The following PDE3B variants were observed in gnomAD, a reference collection of about 807,000 sequenced individuals.
PDE3B encodes phosphodiesterase 3B, also known as cGMP-inhibited 3',5'-cyclic phosphodiesterase 3B.
Under a neutral mutation model 116.8 loss-of-function variants are expected in PDE3B, and 66 were observed. That is an observed-to-expected ratio of 0.56 (90% CI 0.46 to 0.69). The LOEUF is 0.69. PDE3B is among the 30% of genes least tolerant of loss of function. The pLI is 0.00. For synonymous variants in PDE3B, 595 were observed against 533.6 expected (o/e 1.12, Z -1.59); for missense variants, 1,384 against 1,368.1 (o/e 1.01, Z -0.18).
chr11:14,708,642 T>A (rs571322974), intron 1 of PDE3B, among the ~76,000 whole-genome samples: 1 of 152,116 alleles, frequency 6.6e-6, no homozygotes, highest in Non-Finnish European at 1.5e-5. Flanking sequence ...TGATGTTGAT[T>A]TTTCTGGAGT....
chr11:14,682,314 T>C (rs1294294092), intron 1 of PDE3B, among the ~76,000 whole-genome samples: 1 of 152,240 alleles, frequency 6.6e-6, no homozygotes, highest in Non-Finnish European at 1.5e-5. Flanking sequence ...GATTTCTTTC[T>C]TTCTAATCTG....
At chr11:14,650,109 A>G (rs898797257) in intron 1 of PDE3B, among the ~76,000 whole-genome samples, 2 of 151,744 alleles carry the variant, frequency 1.3e-5, no homozygotes, top group African/African-American at 2.4e-5. Context: ...TTTACCTAGC[A>G]GATAACTTTA....
chr11:14,727,680 AT>A lies in PDE3B; in HGVS notation c.979-44254del, dbSNP rs1416161814. Among the ~76,000 whole-genome samples, 5 of 152,134 alleles carry A rather than the reference AT, an allele frequency of 3.3e-5. No individual in the cohort carries two copies. In the East Asian group the frequency reaches 9.6e-4, roughly 29 times the overall value. On this transcript the variant is annotated intron_variant, in intron 1 of 15. Transcript: ENST00000282096. ...ATCAAATGTTAGGGCTAGATGGGAC[AT>A]TTAATTACATAATGAATGGAATAAA...
intron 1 of PDE3B, among the ~76,000 whole-genome samples, chr11:14,648,874 T>C (rs1270952116): frequency 1.3e-5 from 2 of 152,172 alleles, no homozygotes; most frequent in African/African-American, 4.8e-5. Flanking sequence ...TCTCTTTTGA[T>C]TTTAACATCT....
rs148672687 is a variant in PDE3B at position 14,829,110 on chromosome 11, A to T, written c.1808-1588A>T. ...TAAGTGGGAGCTAACTGATGAGAAC[A>T]CATGGGCACATAGAGGGGAACAACA... On this transcript the variant is annotated intron_variant, in intron 7 of 15. Coordinates refer to ENST00000282096, the MANE Select transcript of PDE3B (RefSeq NM_000922.4). Among the ~76,000 whole-genome samples the T allele has an allele frequency of 5.9e-3, 898 of 152,232 alleles. 6 individuals are homozygous for T. Among genetic ancestry groups the T allele is most frequent in the African/African-American group, 0.021 (858 of 41,534 alleles).
intron 1 of PDE3B, among the ~76,000 whole-genome samples, chr11:14,660,655 T>G (rs1853873248): frequency 6.6e-6 from 1 of 152,158 alleles, no homozygotes; most frequent in Non-Finnish European, 1.5e-5. Flanking sequence ...TTTCTAATAT[T>G]TCTTATATTT....
chr11:14,880,506 CAT>C, the PDE3B span: 77 of 1,613,392 alleles, frequency 4.8e-5, no homozygotes, highest in Middle Eastern at 1.6e-4. Context: ...ATAACTCAAT[CAT>C]GTGCTGAAAA....
At chr11:14,681,183 T>C (rs1455599971) in intron 1 of PDE3B, among the ~76,000 whole-genome samples, 1 of 152,178 alleles carries the variant, frequency 6.6e-6, no homozygotes, top group Non-Finnish European at 1.5e-5. Flanking sequence ...ACTTTCAAAT[T>C]GTGATATTTT....
intron 12 of PDE3B, among the ~76,000 whole-genome samples, chr11:14,847,098 C>T (rs1217452236): frequency 6.6e-6 from 1 of 152,142 alleles, no homozygotes; most frequent in African/African-American, 2.4e-5. Context: ...AAGTAAAGCT[C>T]TCCTCAGCAA....
At chr11:14,746,024 C>T (rs1485337276) in intron 1 of PDE3B, among the ~76,000 whole-genome samples, 1 of 152,188 alleles carries the variant, frequency 6.6e-6, no homozygotes, top group Non-Finnish European at 1.5e-5. Context: ...TTTATTTCCC[C>T]AGCTGCTAGG....
At chr11:14,693,407 A>C (rs923796973) in intron 1 of PDE3B, among the ~76,000 whole-genome samples, 7 of 152,196 alleles carry the variant, frequency 4.6e-5, no homozygotes, top group Non-Finnish European at 1.5e-5. Context: ...TAGAGAGAAG[A>C]GGTCAATGCC....
intron 1 of PDE3B, among the ~76,000 whole-genome samples, chr11:14,681,845 T>C (rs1301374022): frequency 6.6e-6 from 1 of 152,156 alleles, no homozygotes; most frequent in African/African-American, 2.4e-5. Flanking sequence ...CCTTGAATAA[T>C]GCAGCAAGGT....
chr11:14,836,351 T>A (rs534599893), intron 11 of PDE3B, among the ~76,000 whole-genome samples: 2 of 152,268 alleles, frequency 1.3e-5, no homozygotes, highest in East Asian at 3.9e-4. Flanking sequence ...ATGTTCCTTT[T>A]TCTCTTTCCT....
chr11:14,745,748 T>G (rs1856894472), intron 1 of PDE3B, among the ~76,000 whole-genome samples: 1 of 152,180 alleles, frequency 6.6e-6, no homozygotes, highest in African/African-American at 2.4e-5. Context: ...TCCCTGCCTG[T>G]GCCCATCTAA....
intron 1 of PDE3B, among the ~76,000 whole-genome samples, chr11:14,750,187 C>T (rs1260572173): frequency 2.6e-5 from 4 of 151,782 alleles, no homozygotes; most frequent in African/African-American, 9.7e-5. Flanking sequence ...ACTCAGTGTA[C>T]TGCTTCAAAT....
chr11:14,859,821 T>C (rs1847913903), intron 13 of PDE3B, among the ~76,000 whole-genome samples: 1 of 152,204 alleles, frequency 6.6e-6, no homozygotes, highest in South Asian at 2.1e-4. Context: ...AGAACTCATA[T>C]TCACCAGGGG....
intron 1 of PDE3B, among the ~76,000 whole-genome samples, chr11:14,688,441 G>A (rs931530966): frequency 6.6e-6 from 1 of 152,042 alleles, no homozygotes; most frequent in African/African-American, 2.4e-5. Flanking sequence ...CTATTTGCTT[G>A]GGAACTCTTG....
intron 11 of PDE3B, among the ~76,000 whole-genome samples, chr11:14,838,124 G>A (rs530509862): frequency 1.3e-5 from 2 of 151,986 alleles, no homozygotes; most frequent in South Asian, 4.2e-4. Flanking sequence ...GACCACAGGC[G>A]CCCTGCCACC....
intron 7 of PDE3B, among the ~76,000 whole-genome samples, chr11:14,820,553 A>G (rs1223399398): frequency 6.6e-6 from 1 of 152,182 alleles, no homozygotes; most frequent in Non-Finnish European, 1.5e-5. Context: ...CTGCAAATAT[A>G]CTAAAATTGT....
Sources: allele counts gnomAD v4.1 joint callset (sites outside exome capture counted in the v4.1 genomes callset), GRCh38; gene constraint gnomAD v4.1.1; transcripts MANE v1.5; gene names NCBI Gene and HGNC (gene_info 2026-07-23, HGNC 2026-07-21).